EBF1: variants seen among roughly 807,000 people sequenced by gnomAD.
EBF1 encodes EBF transcription factor 1.
EBF1 carries 10 observed loss-of-function variants against 68.4 expected under a neutral mutation model. That is an observed-to-expected ratio of 0.15 (90% CI 0.09 to 0.25). The LOEUF is 0.25. Among genes scored for constraint, EBF1 ranks in the 10% least tolerant of loss-of-function variants. The pLI is 1.00. For synonymous variants in EBF1, 298 were observed against 299.8 expected, an observed-to-expected ratio of 0.99 and a Z score of 0.06; for missense variants, 509 against 794.4, an observed-to-expected ratio of 0.64 and a Z score of 4.32.
intron 6 of EBF1, among the ~76,000 whole-genome samples, chr5:159,066,276 T>C (rs766085980): frequency 3.3e-5 from 5 of 152,168 alleles, no homozygotes; most frequent in Non-Finnish European, 7.3e-5. Context: ...AGCAGGATGG[T>C]ATAGTTACCA....
chr5:158,784,035 A>G (rs1776942183), intron 9 of EBF1, among the ~76,000 whole-genome samples: 1 of 152,104 alleles, frequency 6.6e-6, no homozygotes. Context: ...TTTATTATCT[A>G]TATTGTTCTA....
chr5:158,974,378 C>T (rs72813904), intron 6 of EBF1, among the ~76,000 whole-genome samples: 1,983 of 152,286 alleles, frequency 0.013, 25 homozygotes, highest in Non-Finnish European at 0.02. Context: ...TTCTCAGTTG[C>T]CACTTGAGAG....
intron 8 of EBF1, among the ~76,000 whole-genome samples, chr5:158,811,146 GTTTGAGAT>G (rs1298317782): frequency 6.6e-6 from 1 of 152,168 alleles, no homozygotes; most frequent in Non-Finnish European, 1.5e-5. Context: ...GGCACAGGGA[GTTTGAGAT>G]GGGGTGCCTG....
intron 10 of EBF1, among the ~76,000 whole-genome samples, chr5:158,752,060 A>G (rs1769022054): frequency 6.6e-6 from 1 of 152,042 alleles, no homozygotes; most frequent in African/African-American, 2.4e-5. Flanking sequence ...TCCCCACTCT[A>G]TATTTAGATT....
chr5:158,987,563 G>A (rs746671478), intron 6 of EBF1, among the ~76,000 whole-genome samples: 20 of 152,168 alleles, frequency 1.3e-4, no homozygotes, highest in Non-Finnish European at 2.9e-4. Flanking sequence ...AAGGTTCAGA[G>A]GATGTCCAAA....
chr5:158,782,011 C>T (rs1009238012), intron 9 of EBF1, among the ~76,000 whole-genome samples: 10 of 152,178 alleles, frequency 6.6e-5, no homozygotes, highest in Admixed American at 3.3e-4. Context: ...GGCACACTTC[C>T]CACTTTGCTT....
intron 6 of EBF1, among the ~76,000 whole-genome samples, chr5:158,950,618 A>G (rs1815753406): frequency 6.6e-6 from 1 of 152,232 alleles, no homozygotes; most frequent in South Asian, 2.1e-4. Context: ...AAAGCCAAAG[A>G]AGTACTTCCT....
intron 6 of EBF1, among the ~76,000 whole-genome samples, chr5:158,924,439 T>C (rs1446142368): frequency 2.0e-5 from 3 of 152,170 alleles, no homozygotes; most frequent in African/African-American, 4.8e-5. Flanking sequence ...TTGTTCAACA[T>C]AGACATAGAT....
At chr5:158,750,824 G>T (rs1768687166) in intron 10 of EBF1, among the ~76,000 whole-genome samples, 1 of 151,852 alleles carries the variant, frequency 6.6e-6, no homozygotes, top group South Asian at 2.1e-4. Context: ...AGAACATTTA[G>T]TTACCACAAA....
rs549940737 is a variant in EBF1 at position 158,917,273 on chromosome 5, G to T, written c.555-77163C>A. Among the ~76,000 whole-genome samples, 5 of 152,116 alleles carry T rather than the reference G, an allele frequency of 3.3e-5. No individual in the cohort carries two copies. The East Asian group carries it at 9.6e-4, about 29-fold the overall frequency. Reference sequence around the variant, plus strand: ...TGTCTTTGAACCATTTAGATCCTTCGTACATACTCTCCAAGCCTCCAGTTC... The same window carrying T: ...TGTCTTTGAACCATTTAGATCCTTCTTACATACTCTCCAAGCCTCCAGTTC... On this transcript the variant is annotated intron_variant, in intron 6 of 15. Coordinates refer to ENST00000313708, the MANE Select transcript of EBF1 (RefSeq NM_024007.5).
intron 6 of EBF1, among the ~76,000 whole-genome samples, chr5:158,980,234 G>A (rs904383771): frequency 8.5e-5 from 13 of 152,224 alleles, no homozygotes; most frequent in Non-Finnish European, 1.8e-4. Flanking sequence ...CAACAGAGAA[G>A]AAAGTCCTCA....
chr5:159,083,230 G>C (rs1561974861), intron 5 of EBF1, among the ~76,000 whole-genome samples: 3 of 152,180 alleles, frequency 2.0e-5, no homozygotes, highest in Non-Finnish European at 4.4e-5. Context: ...TGGTCAAAAA[G>C]ATAGTAAGAA....
Position 158,846,902 on chromosome 5 carries a change from G to A in EBF1, c.555-6792C>T, listed in dbSNP as rs994969775. Among the ~76,000 whole-genome samples the A allele has an allele frequency of 2.6e-5, 4 of 152,108 alleles. 1 individual carries two copies. The highest frequency in any genetic ancestry group is 2.6e-4 in the Admixed American group (4 of 15,280). ...ATCATTCTGTTTGAGAGGTGGGGTG[G>A]GCAGAAAGGGGAGGAATAAGATCCT... On this transcript the variant is annotated intron_variant, in intron 6 of 15. Coordinates refer to ENST00000313708, the MANE Select transcript of EBF1 (RefSeq NM_024007.5).
chr5:158,847,181 A>G (rs1430598836), intron 6 of EBF1, among the ~76,000 whole-genome samples: 1 of 152,196 alleles, frequency 6.6e-6, no homozygotes, highest in Non-Finnish European at 1.5e-5. Flanking sequence ...ATTACCTCAG[A>G]GCTCAGAGTA....
intron 4 of EBF1, among the ~76,000 whole-genome samples, chr5:159,086,217 C>T (rs1319376196): frequency 6.6e-6 from 1 of 152,130 alleles, no homozygotes. Flanking sequence ...ATTCTTTTCT[C>T]TGTAGTTTTT....
At chr5:158,969,743 C>T (rs1441103407) in intron 6 of EBF1, among the ~76,000 whole-genome samples, 1 of 149,450 alleles carries the variant, frequency 6.7e-6, no homozygotes, top group African/African-American at 2.5e-5. Context: ...CCACTGCATT[C>T]GAGCTTGGGT....
chr5:158,724,461 A>T (rs1054631780), intron 11 of EBF1, among the ~76,000 whole-genome samples: 4 of 152,210 alleles, frequency 2.6e-5, no homozygotes, highest in Non-Finnish European at 4.4e-5. Flanking sequence ...TTATGCAAAG[A>T]TATCTTATTT....
chr5:158,866,841 A>G (rs1405750834), intron 6 of EBF1, among the ~76,000 whole-genome samples: 30 of 1,390 alleles, frequency 0.022, 1 homozygote, highest in African/African-American at 0.049. Flanking sequence ...ATGTATATAT[A>G]TATATATATA....
At chr5:159,086,400 A>G (rs2127986744) in intron 4 of EBF1, among the ~76,000 whole-genome samples, 1 of 152,290 alleles carries the variant, frequency 6.6e-6, no homozygotes, top group African/African-American at 2.4e-5. Context: ...GTTACCCAAT[A>G]ATGTCCTTTA....
Sources: allele counts gnomAD v4.1 joint callset (sites outside exome capture counted in the v4.1 genomes callset), GRCh38; gene constraint gnomAD v4.1.1; transcripts MANE v1.5; gene names NCBI Gene and HGNC (gene_info 2026-07-23, HGNC 2026-07-21).